Variants in RANGAP1 observed in about 807,000 individuals in gnomAD.
RANGAP1 encodes the protein Ran GTPase activating protein 1, also known as ran GTPase-activating protein 1.
RANGAP1 carries 38 observed loss-of-function variants against 63.5 expected under a neutral mutation model. The ratio of observed to expected loss-of-function variants is 0.60; its 90% confidence interval spans 0.46 to 0.78. RANGAP1 has a LOEUF of 0.78. RANGAP1 is among the 30% of genes least tolerant of loss of function. RANGAP1 has a pLI of 0.00. For missense variants in RANGAP1, 630 were observed against 740.3 expected, an observed-to-expected ratio of 0.85 and a Z score of 1.73; for synonymous variants, 329 against 310.5, an observed-to-expected ratio of 1.06 and a Z score of -0.63.
At chr22:41,281,562 C>A in intron 1 of RANGAP1, 1 of 988,830 alleles carries the variant, frequency 1.0e-6, no homozygotes, top group Non-Finnish European at 1.2e-6. Flanking sequence ...GCCCCACCAC[C>A]CACGCTGGCA....
the RANGAP1 span, among the ~76,000 whole-genome samples, chr22:41,294,439 A>G: frequency 2.2e-4 from 34 of 151,552 alleles, no homozygotes; most frequent in Non-Finnish European, 3.7e-4. Flanking sequence ...TGGCCTCCCA[A>G]AGTGCCGAGA....
At chr22:41,246,791 G>T in intron 15 of RANGAP1, 119 bp from the exon 16 acceptor site, 1 of 958,898 alleles carries the variant, frequency 1.0e-6, no homozygotes, top group Non-Finnish European at 1.6e-6. Flanking sequence ...CAGCAAGAGA[G>T]ACATTAGCCC....
rs530791480 is a variant in RANGAP1 at position 41,261,398 on chromosome 22, C to A, written c.615+48G>T. ...ATCCAGAACTGTCAGCCTACTATGC[C>A]GAGTGCACCTCAAGGCTGCAGGGGC... On this transcript the variant is annotated intron_variant, in intron 6 of 15. Coordinates refer to ENST00000356244, the MANE Select transcript of RANGAP1 (RefSeq NM_002883.4). The A allele has an allele frequency of 3.7e-6, 6 of 1,611,466 alleles. No individual in the cohort carries two copies. The South Asian group carries it at 6.6e-5, about 18-fold the overall frequency.
At chr22:41,272,465 C>A (rs1472132289) in intron 3 of RANGAP1, among the ~76,000 whole-genome samples, 1 of 152,104 alleles carries the variant, frequency 6.6e-6, no homozygotes, top group Non-Finnish European at 1.5e-5. Flanking sequence ...AAACTGGCAC[C>A]ACAGAGAGAA....
At chr22:41,292,264 C>T in the RANGAP1 span, among the ~76,000 whole-genome samples, 1 of 152,034 alleles carries the variant, frequency 6.6e-6, no homozygotes, top group Non-Finnish European at 1.5e-5. Context: ...TCTCCTGCCT[C>T]AGCCTCCCGA....
At chr22:41,285,409 C>CA (rs1391891121) in intron 1 of RANGAP1, 2 of 762,856 alleles carry the variant, frequency 2.6e-6, no homozygotes, top group African/African-American at 3.8e-5. Context: ...TTGATTTGTC[C>CA]AAGGTCAGCA....
intron 6 of RANGAP1, among the ~76,000 whole-genome samples, chr22:41,258,761 T>C (rs1427403475): frequency 1.3e-5 from 2 of 152,200 alleles, no homozygotes; most frequent in Non-Finnish European, 2.9e-5. Flanking sequence ...TTCAAGTGAT[T>C]CTCCTGCCTC....
In RANGAP1 at chr22:41,251,022, C is replaced by T; in HGVS notation, c.1468G>A (p.Val490Met). 1 of 1,614,186 alleles carries T rather than the reference C, an allele frequency of 6.2e-7. No homozygotes were observed. ...CCCACATTACCTACTGCATCCTGCA[C>T]TGCCATCCTCACAGTAGCTTCGTCC... ...FKDEATVRMA[V>M]QDAVDALMQK... is the part of the protein sequence containing the mutation. Residue 490 changes from valine (V) to methionine (M), a missense_variant, in exon 13 of 16, where the codon GTG (valine) becomes ATG (methionine). Val to Met is a conservative substitution (Grantham distance 21). Coordinates refer to ENST00000356244, the MANE Select transcript of RANGAP1 (RefSeq NM_002883.4).
the RANGAP1 span, among the ~76,000 whole-genome samples, chr22:41,299,845 G>A: frequency 9.9e-5 from 15 of 151,716 alleles, no homozygotes; most frequent in South Asian, 2.3e-3. Context: ...TACGCCTCCC[G>A]GATTCACGCC....
chr22:41,290,671 A>G (rs944066235), upstream of RANGAP1, among the ~76,000 whole-genome samples: 9 of 152,226 alleles, frequency 5.9e-5, no homozygotes, highest in African/African-American at 1.9e-4. Context: ...TGTTTCAAAG[A>G]CAAAAGCAGG....
chr22:41,250,642 C>T (rs1375308607), intron 13 of RANGAP1, among the ~76,000 whole-genome samples: 5 of 152,148 alleles, frequency 3.3e-5, no homozygotes, highest in Admixed American at 2.0e-4. Context: ...GTAGAGTGGA[C>T]GTGAGCACAG....
At chr22:41,258,248 T>C (rs1318010002) in intron 6 of RANGAP1, 142 bp from the exon 7 acceptor site, 2 of 893,294 alleles carry the variant, frequency 2.2e-6, no homozygotes, top group East Asian at 3.0e-5. Context: ...TTTTGGGGCA[T>C]GGCTGCATCT....
chr22:41,294,635 C>T, the RANGAP1 span, among the ~76,000 whole-genome samples: 1 of 144,448 alleles, frequency 6.9e-6, no homozygotes, highest in Non-Finnish European at 1.5e-5. Context: ...GCCATCCCAT[C>T]TGGGAAGTGA....
chr22:41,255,322 A>T (rs2033754415), intron 10 of RANGAP1, among the ~76,000 whole-genome samples: 1 of 152,194 alleles, frequency 6.6e-6, no homozygotes, highest in Non-Finnish European at 1.5e-5. Context: ...ACGACTGAGT[A>T]TCTGACACAC....
At chr22:41,247,232 T>C (rs2048758638) in intron 15 of RANGAP1, among the ~76,000 whole-genome samples, 1 of 152,046 alleles carries the variant, frequency 6.6e-6, no homozygotes, top group South Asian at 2.1e-4. Flanking sequence ...ATTTTTTGTA[T>C]TTTTAGTAGA....
the RANGAP1 span, among the ~76,000 whole-genome samples, chr22:41,294,227 T>C: frequency 6.6e-6 from 1 of 152,198 alleles, no homozygotes; most frequent in African/African-American, 2.4e-5. Context: ...GGTTTTCGTA[T>C]TTTTTTGGTG....
intron 1 of RANGAP1, among the ~76,000 whole-genome samples, chr22:41,283,423 T>C (rs2035598377): frequency 6.6e-6 from 1 of 151,948 alleles, no homozygotes. Context: ...GCAGGAGAAT[T>C]GCTTGAACCC....
intron 2 of RANGAP1, chr22:41,280,636 G>T: frequency 7.7e-7 from 1 of 1,300,304 alleles, no homozygotes; most frequent in Non-Finnish European, 1.0e-6. Flanking sequence ...CAGAGTCAGA[G>T]GCTGTATCTT....
chr22:41,249,805 T>A lies in RANGAP1; in HGVS notation c.1496A>T (p.Gln499Leu). The change falls in exon 14 of 16, where the codon CAG becomes CTG. Residue 499 changes from glutamine to leucine, a missense_variant. Gln to Leu is a moderately radical substitution (Grantham distance 113). Coordinates refer to ENST00000356244, the MANE Select transcript of RANGAP1 (RefSeq NM_002883.4). ...AVQDAVDALM[Q>L]KAFNSSSFNS... ...GAAGGACGAGGAGTTGAAAGCCTTCTGCATCAGGGCATCTGTAGGGCAGAA... is the reference window on the plus strand; with the variant it reads ...GAAGGACGAGGAGTTGAAAGCCTTCAGCATCAGGGCATCTGTAGGGCAGAA... 1 of 1,613,888 alleles carries A rather than the reference T, an allele frequency of 6.2e-7. No individual in the cohort carries two copies.
Sources: gnomAD v4.1 joint callset for allele counts (sites outside exome capture counted in the v4.1 genomes callset) on GRCh38, gnomAD v4.1.1 for gene constraint, MANE v1.5 for transcripts, NCBI Gene and HGNC (gene_info 2026-07-23, HGNC 2026-07-21) for gene names.